Variants in SORCS2 observed in about 807,000 individuals in gnomAD.
The protein encoded by SORCS2 is VPS10 domain-containing receptor SorCS2.
Under a neutral mutation model 141.6 loss-of-function variants are expected in SORCS2, and 100 were observed. That is an observed-to-expected ratio of 0.71 (90% confidence interval 0.60 to 0.83). The LOEUF (loss-of-function observed/expected upper bound fraction) is 0.83. SORCS2 is among the 40% of genes least tolerant of loss of function. The pLI, the probability that SORCS2 is intolerant of heterozygous loss-of-function variation, is 0.00. For missense variants in SORCS2, 1,646 were observed against 1,560.2 expected, an observed-to-expected ratio of 1.05 and a Z score of -0.93; for synonymous variants, 789 against 676.9, an observed-to-expected ratio of 1.17 and a Z score of -2.57.
chr4:7,253,062 C>T (rs1000897481), intron 1 of SORCS2, among the ~76,000 whole-genome samples: 3 of 152,278 alleles, frequency 2.0e-5, no homozygotes, highest in Non-Finnish European at 2.9e-5. Context: ...CAGCTGGGCT[C>T]AGCCCCCCAT....
intron 1 of SORCS2, among the ~76,000 whole-genome samples, chr4:7,207,578 C>T (rs1376932422): frequency 1.3e-5 from 2 of 152,188 alleles, no homozygotes; most frequent in Non-Finnish European, 2.9e-5. Flanking sequence ...CAGGATCCCT[C>T]CTTATGGCAC....
intron 3 of SORCS2, among the ~76,000 whole-genome samples, chr4:7,596,596 A>T (rs184669160): frequency 6.6e-6 from 1 of 152,312 alleles, no homozygotes; most frequent in Admixed American, 6.5e-5. Flanking sequence ...CAGACAAGCT[A>T]GTTAATTTCT....
At chr4:7,268,835 G>A (rs1257634923) in intron 1 of SORCS2, among the ~76,000 whole-genome samples, 2 of 152,218 alleles carry the variant, frequency 1.3e-5, no homozygotes, top group African/African-American at 4.8e-5. Flanking sequence ...GAGAGGGCCT[G>A]GAGGGGACCT....
intron 2 of SORCS2, among the ~76,000 whole-genome samples, chr4:7,531,132 A>G (rs1210986391): frequency 6.6e-6 from 1 of 152,232 alleles, no homozygotes; most frequent in Non-Finnish European, 1.5e-5. Context: ...TGAGTCAGCC[A>G]CTTATTAACT....
chr4:7,645,080 C>T (rs1012246664), intron 4 of SORCS2, among the ~76,000 whole-genome samples: 4 of 152,210 alleles, frequency 2.6e-5, no homozygotes, highest in Non-Finnish European at 5.9e-5. Flanking sequence ...AATGGTAACG[C>T]CATCCATTAA....
chr4:7,602,231 C>T (rs1302670240), intron 3 of SORCS2, among the ~76,000 whole-genome samples: 4 of 149,360 alleles, frequency 2.7e-5, no homozygotes, highest in Non-Finnish European at 6.1e-5. Context: ...CCCTCACCTC[C>T]CAGACGGGGT....
intron 2 of SORCS2, among the ~76,000 whole-genome samples, chr4:7,414,274 G>C (rs1178409612): frequency 6.6e-6 from 1 of 152,204 alleles, no homozygotes; most frequent in Non-Finnish European, 1.5e-5. Flanking sequence ...GCAAGACCTG[G>C]CTGCACTTAG....
chr4:7,314,980 C>T lies in SORCS2; in HGVS notation c.481-81308C>T, dbSNP rs190406234. The stretch of plus-strand genomic sequence containing the variant: ...CCAAGTAGCTGGAATTACAGGTGCT[C>T]GCCACCATGCCCAGTTAATTTTTTG... On this transcript the variant is annotated intron_variant, in intron 1 of 26. Coordinates refer to ENST00000507866, the MANE Select transcript of SORCS2 (RefSeq NM_020777.3). Among the ~76,000 whole-genome samples the T allele has an allele frequency of 2.0e-4, 31 of 152,106 alleles. No homozygotes were observed. In the East Asian group the frequency reaches 4.1e-3, roughly 20 times the overall value.
intron 3 of SORCS2, among the ~76,000 whole-genome samples, chr4:7,551,949 G>A (rs34445288): frequency 0.14 from 21,697 of 152,216 alleles, 1,561 homozygotes; most frequent in Non-Finnish European, 0.16. Context: ...GTAATCGGCA[G>A]CGTTGCCTGC....
rs771638439 is a variant in SORCS2 at position 7,700,356 on chromosome 4, A to C, written c.1669-2924A>C. Among the ~76,000 whole-genome samples the C allele has an allele frequency of 1.1e-3, 174 of 152,228 alleles. 2 individuals carry two copies. Among genetic ancestry groups the C allele is most frequent in the Middle Eastern group, 6.3e-3 (2 of 316 alleles). Reference sequence around the variant, plus strand: ...CTCTCTTTGCTGGTACCCAGTGGGCAAGTCACTGTCACTGTGCAGGGATGA... The same window carrying C: ...CTCTCTTTGCTGGTACCCAGTGGGCCAGTCACTGTCACTGTGCAGGGATGA... On this transcript the variant is annotated intron_variant, in intron 12 of 26. Transcript: ENST00000507866.
chr4:7,458,166 C>T (rs1228915304), intron 2 of SORCS2, among the ~76,000 whole-genome samples: 1 of 152,020 alleles, frequency 6.6e-6, no homozygotes, highest in Admixed American at 6.5e-5. Flanking sequence ...TGGGCAGCAC[C>T]GAGGCCTGGG....
In SORCS2 at chr4:7,654,127, C is replaced by T. The variant is rs1170782433; in HGVS notation, c.814-7C>T. On this transcript the variant is annotated splice_region_variant and splice_polypyrimidine_tract_variant and intron_variant, in intron 4 of 26. Transcript: ENST00000507866. Reference sequence around the variant, plus strand: ...CCAAGCTTTTGTTTCTTTTTTCTGCCCTAAAGCTCTACGTGTCATCTGACT... The same window carrying T: ...CCAAGCTTTTGTTTCTTTTTTCTGCTCTAAAGCTCTACGTGTCATCTGACT... 6.4e-7 allele frequency: 1 copy of T among 1,569,102 alleles called. No individual in the cohort carries two copies. The highest frequency in any genetic ancestry group is 1.2e-5 in the South Asian group (1 of 85,524).
chr4:7,515,242 G>T (rs1275574398), intron 2 of SORCS2, among the ~76,000 whole-genome samples: 1 of 152,236 alleles, frequency 6.6e-6, no homozygotes, highest in Non-Finnish European at 1.5e-5. Flanking sequence ...AGGTCACACA[G>T]CTTGTCACCA....
chr4:7,651,059 T>C (rs139524489), intron 4 of SORCS2, among the ~76,000 whole-genome samples: 3 of 152,166 alleles, frequency 2.0e-5, no homozygotes, highest in Non-Finnish European at 2.9e-5. Flanking sequence ...ACATCAGTTA[T>C]AGAATCACTG....
intron 4 of SORCS2, among the ~76,000 whole-genome samples, chr4:7,652,169 C>T (rs1324364393): frequency 6.6e-6 from 1 of 152,206 alleles, no homozygotes; most frequent in African/African-American, 2.4e-5. Flanking sequence ...CTGCTGTGCC[C>T]AAGAGCTGGC....
At chr4:7,698,143 C>T (rs996743776) in intron 12 of SORCS2, among the ~76,000 whole-genome samples, 22 of 152,276 alleles carry the variant, frequency 1.4e-4, no homozygotes, top group East Asian at 5.8e-4. Context: ...TTCCAGGGGG[C>T]GGGGAACATG....
intron 2 of SORCS2, among the ~76,000 whole-genome samples, chr4:7,507,104 T>G (rs1485454282): frequency 6.6e-6 from 1 of 152,254 alleles, no homozygotes; most frequent in Non-Finnish European, 1.5e-5. Context: ...TGTGGTATTT[T>G]AGACCCAACC....
At chr4:7,733,216 C>A (rs1711845807) in intron 23 of SORCS2, 106 bp from the exon 24 acceptor site, 3 of 635,200 alleles carry the variant, frequency 4.7e-6, no homozygotes, top group East Asian at 3.5e-5. Flanking sequence ...CCCCCCAACA[C>A]GTGGAGACCC....
At chr4:7,234,804 G>C (rs1393656622) in intron 1 of SORCS2, among the ~76,000 whole-genome samples, 1 of 152,266 alleles carries the variant, frequency 6.6e-6, no homozygotes, top group Non-Finnish European at 1.5e-5. Flanking sequence ...CCCTCTCCAG[G>C]AGCCTGATGA....
Sources: gnomAD v4.1 joint callset for allele counts (sites outside exome capture counted in the v4.1 genomes callset) on GRCh38, gnomAD v4.1.1 for gene constraint, MANE v1.5 for transcripts, NCBI Gene and HGNC (gene_info 2026-07-23, HGNC 2026-07-21) for gene names.